The following PRLR variants were observed in gnomAD, a reference collection of about 807,000 sequenced individuals.
The protein encoded by PRLR is prolactin receptor.
In PRLR, 13 loss-of-function variants were observed where a neutral mutation model predicts 40.2. The ratio of observed to expected loss-of-function variants is 0.32; its 90% CI spans 0.21 to 0.51. PRLR has a LOEUF of 0.51. PRLR is among the 20% of genes least tolerant of loss of function. The probability of loss-of-function intolerance (pLI) is 0.97; values close to 1 mark genes in which losing one functional copy is unlikely to be tolerated. For missense variants in PRLR, 656 were observed against 747.3 expected, an observed-to-expected ratio of 0.88 and a Z score of 1.42; for synonymous variants, 269 against 278.7, an observed-to-expected ratio of 0.97 and a Z score of 0.35.
At chr5:35,194,776 G>T (rs1394488851) in intron 1 of PRLR, among the ~76,000 whole-genome samples, 1 of 152,168 alleles carries the variant, frequency 6.6e-6, no homozygotes, top group East Asian at 1.9e-4. Flanking sequence ...AGGAAGGAAG[G>T]GAGGGTGATT....
At chr5:35,116,121 G>A (rs1773002977) in intron 2 of PRLR, among the ~76,000 whole-genome samples, 1 of 152,126 alleles carries the variant, frequency 6.6e-6, no homozygotes, top group African/African-American at 2.4e-5. Context: ...GGAGGATGAT[G>A]GAGGCTGGGT....
chr5:35,091,047 C>T (rs1267884391), intron 2 of PRLR, among the ~76,000 whole-genome samples: 1 of 151,984 alleles, frequency 6.6e-6, no homozygotes, highest in Non-Finnish European at 1.5e-5. Flanking sequence ...CTCCTGAACT[C>T]GTGATCCACC....
chr5:35,075,590 C>G (rs1443071112), intron 5 of PRLR, among the ~76,000 whole-genome samples: 1 of 152,232 alleles, frequency 6.6e-6, no homozygotes, highest in Non-Finnish European at 1.5e-5. Flanking sequence ...CGGCCTGCCT[C>G]TGTGGACTCC....
At chr5:35,215,229 C>T (rs1006661910) in intron 1 of PRLR, among the ~76,000 whole-genome samples, 2 of 152,174 alleles carry the variant, frequency 1.3e-5, no homozygotes, top group African/African-American at 4.8e-5. Context: ...TTTATAAGGG[C>T]TGCCAACCAG....
At chr5:35,121,354 C>T (rs755147233) in intron 1 of PRLR, among the ~76,000 whole-genome samples, 9 of 152,164 alleles carry the variant, frequency 5.9e-5, no homozygotes, top group Non-Finnish European at 8.8e-5. Flanking sequence ...CTCAGTTCTA[C>T]GTTCCTAGAG....
intron 1 of PRLR, among the ~76,000 whole-genome samples, chr5:35,127,625 G>A (rs149728915): frequency 6.6e-6 from 1 of 152,266 alleles, no homozygotes; most frequent in East Asian, 1.9e-4. Flanking sequence ...CTGATGAATG[G>A]ATATACAAAT....
chr5:35,197,561 A>G (rs1157367153), intron 1 of PRLR, among the ~76,000 whole-genome samples: 1 of 152,182 alleles, frequency 6.6e-6, no homozygotes, highest in African/African-American at 2.4e-5. Flanking sequence ...AGCTGCTTCC[A>G]TCACTCACAC....
intron 1 of PRLR, chr5:35,195,766 G>A (rs536460686): frequency 3.3e-4 from 51 of 152,346 alleles, no homozygotes; most frequent in African/African-American, 1.2e-3. Flanking sequence ...TTAAAGTACA[G>A]AGTATTTTTG....
chr5:35,139,420 C>G (rs1376479941), intron 1 of PRLR, among the ~76,000 whole-genome samples: 2 of 152,022 alleles, frequency 1.3e-5, no homozygotes, highest in Admixed American at 6.6e-5. Flanking sequence ...ACCAGGCCAG[C>G]CCTACAATTT....
intron 1 of PRLR, among the ~76,000 whole-genome samples, chr5:35,126,196 A>T (rs1773458486): frequency 6.6e-6 from 1 of 152,212 alleles, no homozygotes; most frequent in African/African-American, 2.4e-5. Flanking sequence ...AAATATTAGC[A>T]TGGGCAAATA....
chr5:35,149,905 C>A (rs749141725), intron 1 of PRLR, among the ~76,000 whole-genome samples: 2 of 151,884 alleles, frequency 1.3e-5, no homozygotes, highest in African/African-American at 2.4e-5. Context: ...GTTGCCCAGG[C>A]TGGAGTGCAA....
chr5:35,185,875 C>T (rs1445579364), intron 1 of PRLR, among the ~76,000 whole-genome samples: 2 of 152,152 alleles, frequency 1.3e-5, no homozygotes, highest in Admixed American at 6.5e-5. Flanking sequence ...TCTGTTCAGA[C>T]TATGGGGAGC....
At chr5:35,225,187 C>T (rs1776518945) in intron 1 of PRLR, among the ~76,000 whole-genome samples, 1 of 152,012 alleles carries the variant, frequency 6.6e-6, no homozygotes, top group South Asian at 2.1e-4. Context: ...TTAAAATGAC[C>T]CTTTCATTGT....
intron 1 of PRLR, among the ~76,000 whole-genome samples, chr5:35,144,364 GA>G (rs1273718034): frequency 6.6e-6 from 1 of 152,144 alleles, no homozygotes; most frequent in East Asian, 1.9e-4. Flanking sequence ...ACATAGAGAA[GA>G]ATGTAATTTA....
chr5:35,080,282 T>C (rs1213274176), intron 5 of PRLR, among the ~76,000 whole-genome samples: 1 of 152,134 alleles, frequency 6.6e-6, no homozygotes, highest in African/African-American at 2.4e-5. Flanking sequence ...ATTTTTACAA[T>C]CTACCCATCT....
intron 5 of PRLR, chr5:35,081,112 G>T (rs1770484189): frequency 6.6e-6 from 1 of 151,736 alleles, no homozygotes; most frequent in African/African-American, 2.4e-5. Context: ...AATGGTTGCA[G>T]CACACCAACA....
In PRLR at chr5:35,059,157, T is replaced by G. The variant is rs1768892167; in HGVS notation, c.*5932A>C. On this transcript the variant is annotated 3_prime_UTR_variant, in exon 10 of 10. Transcript: ENST00000618457. ...GACCATAACTATTAAAGGTTATTTT[T>G]TATATTACTACTTCAGTTGCTGAAG... The G allele has an allele frequency of 6.6e-6, 1 of 152,150 alleles. No individual in the cohort carries two copies. 9.4% of individuals were successfully genotyped at this position (152,150 alleles called of 1,614,324 possible).
intron 1 of PRLR, among the ~76,000 whole-genome samples, chr5:35,202,456 C>A: frequency 6.6e-6 from 1 of 152,130 alleles, no homozygotes; most frequent in East Asian, 1.9e-4. Flanking sequence ...CAGGGATGTA[C>A]AACTTACCCT....
chr5:35,138,407 T>C (rs1352307425), intron 1 of PRLR, among the ~76,000 whole-genome samples: 1 of 152,236 alleles, frequency 6.6e-6, no homozygotes, highest in Non-Finnish European at 1.5e-5. Context: ...CCACAACATT[T>C]TCATTGAGGA....
Sources: gnomAD v4.1 joint callset for allele counts (sites outside exome capture counted in the v4.1 genomes callset) on GRCh38, gnomAD v4.1.1 for gene constraint, MANE v1.5 for transcripts, NCBI Gene and HGNC (gene_info 2026-07-23, HGNC 2026-07-21) for gene names.